P3H2: variants seen among roughly 807,000 people sequenced by gnomAD.
P3H2 encodes leprecan-like 1.
A neutral mutation model predicts 87.0 loss-of-function variants in P3H2; 80 were observed. The ratio of observed to expected loss-of-function variants is 0.92; its 90% CI spans 0.77 to 1.11. The LOEUF (loss-of-function observed/expected upper bound fraction) is 1.11, where lower values mean the gene tolerates loss of function less well. P3H2 is among the 50% of genes least tolerant of loss of function. P3H2 has a pLI of 0.00. For synonymous variants in P3H2, 367 were observed against 359.3 expected (o/e 1.02, Z -0.24); for missense variants, 1,001 against 923.9 (o/e 1.08, Z -1.08).
At chr3:189,989,679 C>T (rs939801202) in intron 3 of P3H2, among the ~76,000 whole-genome samples, 5 of 152,228 alleles carry the variant, frequency 3.3e-5, no homozygotes, top group Admixed American at 1.3e-4. Flanking sequence ...ATACTAAGTA[C>T]ATTGTATATT....
At chr3:189,963,612 T>C (rs1471190302) in intron 14 of P3H2, 1 of 260,920 alleles carries the variant, frequency 3.8e-6, no homozygotes, top group Non-Finnish European at 7.6e-6. Flanking sequence ...ATCCAGCTAA[T>C]TTTGTATTTT....
chr3:189,958,042 A>C (rs1465035706), intron 14 of P3H2, 38 bp from the exon 15 acceptor site: 4 of 1,473,484 alleles, frequency 2.7e-6, no homozygotes, highest in Non-Finnish European at 1.9e-6. Context: ...TGTTACAAGC[A>C]TAATAATCAG....
At position 190,116,965 on chromosome 3, in the gene P3H2, ACAAGGATATACTCAT is replaced by A. The variant is rs755049343; in HGVS notation, c.480+3272_480+3286del. Among the ~76,000 whole-genome samples the A allele has an allele frequency of 3.1e-4, 47 of 152,216 alleles. 1 individual carries two copies. Among genetic ancestry groups the A allele is most frequent in the Admixed American group, 2.2e-3 (33 of 15,284 alleles). ...TAGTGAGTATCTGTTACCCTGCAAG[ACAAGGATATACTCAT>A]CCCTGGAGCTGTCCAAATCTGGCAT... On this transcript the variant is annotated intron_variant, in intron 1 of 14. Transcript: ENST00000319332.
At chr3:190,030,267 A>C (rs1460339674) in intron 1 of P3H2, among the ~76,000 whole-genome samples, 2 of 152,228 alleles carry the variant, frequency 1.3e-5, no homozygotes, top group Non-Finnish European at 2.9e-5. Context: ...AAAAATTAAA[A>C]TATTAGAAAA....
intron 1 of P3H2, among the ~76,000 whole-genome samples, chr3:190,063,676 G>A (rs531167961): frequency 7.7e-4 from 117 of 152,162 alleles, no homozygotes; most frequent in African/African-American, 2.7e-3. Flanking sequence ...GTCTCCTCAC[G>A]CCCACTGTGG....
chr3:190,070,010 G>A (rs1358728265), intron 1 of P3H2, among the ~76,000 whole-genome samples: 1 of 151,794 alleles, frequency 6.6e-6, no homozygotes, highest in Non-Finnish European at 1.5e-5. Flanking sequence ...TGAGGTGAAA[G>A]GTGGTTTACT....
At chr3:190,048,216 C>A (rs1725865000) in intron 1 of P3H2, among the ~76,000 whole-genome samples, 1 of 152,048 alleles carries the variant, frequency 6.6e-6, no homozygotes, top group Admixed American at 6.6e-5. Context: ...ATGGTTTGAG[C>A]CGGGTGTGGT....
At chr3:190,098,382 AT>A (rs1175530845) in intron 1 of P3H2, among the ~76,000 whole-genome samples, 1 of 152,206 alleles carries the variant, frequency 6.6e-6, no homozygotes, top group Non-Finnish European at 1.5e-5. Context: ...GTGCTACAAA[AT>A]TAAAAATTAA....
At chr3:190,017,138 C>T (rs772252004) in intron 1 of P3H2, among the ~76,000 whole-genome samples, 1 of 152,108 alleles carries the variant, frequency 6.6e-6, no homozygotes, top group Non-Finnish European at 1.5e-5. Flanking sequence ...CCATTTGTTC[C>T]TTAGTCCCTT....
At position 190,023,272 on chromosome 3, in the gene P3H2, A is replaced by G. The variant is rs568652378; in HGVS notation, c.481-27830T>C. Among the ~76,000 whole-genome samples, 4 of 152,346 alleles carry G rather than the reference A, an allele frequency of 2.6e-5. No individual in the cohort carries two copies. The South Asian group carries it at 8.3e-4, about 32-fold the overall frequency. ...AATTGCCGTTTTGGGAATGGAGGTA[A>G]AGTACTGGCAGGTGATTCAATTTTT... On this transcript the variant is annotated intron_variant, in intron 1 of 14. Coordinates refer to ENST00000319332, the MANE Select transcript of P3H2 (RefSeq NM_018192.4).
At chr3:190,049,836 A>G (rs1725921717) in intron 1 of P3H2, among the ~76,000 whole-genome samples, 1 of 152,224 alleles carries the variant, frequency 6.6e-6, no homozygotes, top group South Asian at 2.1e-4. Context: ...GTTCTGAAGC[A>G]TATTTGTTCC....
chr3:190,094,880 T>G (rs946091501), intron 1 of P3H2, among the ~76,000 whole-genome samples: 1 of 152,296 alleles, frequency 6.6e-6, no homozygotes, highest in Admixed American at 6.5e-5. Flanking sequence ...AGAAAAGGAA[T>G]GACTAGAACA....
chr3:190,002,474 C>T (rs1405443032), intron 1 of P3H2, among the ~76,000 whole-genome samples: 3 of 151,014 alleles, frequency 2.0e-5, no homozygotes, highest in South Asian at 4.2e-4. Flanking sequence ...GGTCTCAGCT[C>T]ACTGCAATCT....
At position 190,093,210 on chromosome 3, in the gene P3H2, T is replaced by C. The variant is rs530570523; in HGVS notation, c.480+27042A>G. ...GTTGTGATCATGCAGTGCGAATACATAGTAGACGGCAGAGACATAGCTCTG... is the reference window on the plus strand; with the variant it reads ...GTTGTGATCATGCAGTGCGAATACACAGTAGACGGCAGAGACATAGCTCTG... On this transcript the variant is annotated intron_variant, in intron 1 of 14. Transcript: ENST00000319332. Among the ~76,000 whole-genome samples the C allele has an allele frequency of 3.9e-5, 6 of 152,362 alleles. 1 individual carries two copies. The highest frequency in any genetic ancestry group is 1.4e-4 in the African/African-American group (6 of 41,584).
At chr3:190,001,540 G>T (rs1724217085) in intron 1 of P3H2, among the ~76,000 whole-genome samples, 1 of 152,064 alleles carries the variant, frequency 6.6e-6, no homozygotes, top group Non-Finnish European at 1.5e-5. Context: ...TCACAATATA[G>T]TAACTTTAGA....
At position 189,973,989 on chromosome 3, in the gene P3H2, C is replaced by A. The variant is rs199521776; in HGVS notation, c.1468G>T (p.Gly490Cys). The A allele has an allele frequency of 6.2e-7, 1 of 1,613,694 alleles. No individual in the cohort carries two copies. The highest frequency in any genetic ancestry group is 8.5e-7 in the Non-Finnish European group (1 of 1,179,624). Reference sequence around the variant, plus strand: ...GAAGTTTTTCCTCTGTATCCATCACCAACAAGCATGATTCCCTGGAAGCAA... The same window carrying A: ...GAAGTTTTTCCTCTGTATCCATCACAAACAAGCATGATTCCCTGGAAGCAA... ...HSVASGIMLV[G>C]DGYRGKTSPH... Residue 490 changes from glycine (G) to cysteine (C), a missense_variant, in exon 10 of 15, where the codon GGT becomes TGT. Coordinates refer to ENST00000319332, the MANE Select transcript of P3H2 (RefSeq NM_018192.4).
At chr3:190,030,737 TGTTA>T (rs1269892290) in intron 1 of P3H2, among the ~76,000 whole-genome samples, 1 of 152,138 alleles carries the variant, frequency 6.6e-6, no homozygotes, top group African/African-American at 2.4e-5. Flanking sequence ...TAAAATAATC[TGTTA>T]GTGAGAGAAA....
At chr3:189,996,942 A>C (rs1047135024) in intron 1 of P3H2, among the ~76,000 whole-genome samples, 12 of 152,238 alleles carry the variant, frequency 7.9e-5, no homozygotes, top group Non-Finnish European at 1.3e-4. Context: ...ACTGTCTCCT[A>C]AACCACTTAA....
chr3:190,092,724 T>A (rs757306569), intron 1 of P3H2, among the ~76,000 whole-genome samples: 1 of 152,224 alleles, frequency 6.6e-6, no homozygotes, highest in Non-Finnish European at 1.5e-5. Flanking sequence ...TAAATTTTTA[T>A]ATTTTATTTA....
Sources: gnomAD v4.1 joint callset for allele counts (sites outside exome capture counted in the v4.1 genomes callset) on GRCh38, gnomAD v4.1.1 for gene constraint, MANE v1.5 for transcripts, NCBI Gene and HGNC (gene_info 2026-07-23, HGNC 2026-07-21) for gene names.